The following PCDHGA1 variants were observed in gnomAD, a reference collection of about 807,000 sequenced individuals.
PCDHGA1 encodes the protein protocadherin gamma subfamily A, 1.
PCDHGA1 carries 32 observed loss-of-function variants against 58.0 expected under a neutral mutation model. The ratio of observed to expected loss-of-function variants is 0.55; its 90% CI spans 0.42 to 0.74. The LOEUF is 0.74. PCDHGA1 is among the 30% of genes least tolerant of loss of function. The pLI is 0.00. For missense variants in PCDHGA1, 1,205 were observed against 1,182.3 expected (o/e 1.02, Z -0.28); for synonymous variants, 498 against 501.1 (o/e 0.99, Z 0.08).
chr5:141,494,237 G>A (rs555725765), intron 1 of PCDHGA1, among the ~76,000 whole-genome samples: 3 of 152,312 alleles, frequency 2.0e-5, no homozygotes, highest in East Asian at 3.9e-4. Flanking sequence ...AATTAATAAT[G>A]TATTTAGCTG....
At chr5:141,403,758 T>C (rs1022850868) in intron 1 of PCDHGA1, 18 of 1,613,804 alleles carry the variant, frequency 1.1e-5, no homozygotes, top group Non-Finnish European at 1.4e-5. Flanking sequence ...GCCAGCGACC[T>C]GGATGAGGGA....
At chr5:141,390,349 T>C in intron 1 of PCDHGA1, 1 of 1,568,926 alleles carries the variant, frequency 6.4e-7, no homozygotes, top group South Asian at 1.2e-5. Flanking sequence ...CAAGAAAATA[T>C]ACATATTTGC....
At chr5:141,501,983 C>T (rs957901405) in intron 2 of PCDHGA1, among the ~76,000 whole-genome samples, 1 of 152,068 alleles carries the variant, frequency 6.6e-6, no homozygotes, top group Non-Finnish European at 1.5e-5. Context: ...CATCTGGTCC[C>T]GTTGTCTCCC....
rs144804989 is a variant in PCDHGA1 at position 141,489,791 on chromosome 5, C to T, written c.2422-5016C>T. 1.9e-6 allele frequency: 3 copies of T among 1,614,056 alleles called. No individual in the cohort carries two copies. Among genetic ancestry groups the T allele is most frequent in the Admixed American group, 1.7e-5 (1 of 60,010 alleles). Reference sequence around the variant, plus strand: ...AGCCACTTCTCTCTGAATGTGAAGACCCTAAAAGATGGGAAGCCATTCCCA... The same window carrying T: ...AGCCACTTCTCTCTGAATGTGAAGATCCTAAAAGATGGGAAGCCATTCCCA... On this transcript the variant is annotated intron_variant, in intron 1 of 3. Transcript: ENST00000517417. This position sits in a 1 kb window ranked among gnomAD's most constrained non-coding sequence, Gnocchi z 4.5.
chr5:141,428,563 G>A, intron 1 of PCDHGA1: 2 of 237,566 alleles, frequency 8.4e-6, no homozygotes, highest in East Asian at 1.1e-4. Flanking sequence ...CCCCCCACAA[G>A]ATCTTTCTAA....
At chr5:141,344,025 G>A (rs777463041) in intron 1 of PCDHGA1, 2 of 1,527,384 alleles carry the variant, frequency 1.3e-6, no homozygotes, top group Non-Finnish European at 1.8e-6. Context: ...GCGATTCACC[G>A]AAAAGGAAAT....
At chr5:141,341,016 C>T (rs1222842099) in intron 1 of PCDHGA1, 1 of 1,614,020 alleles carries the variant, frequency 6.2e-7, no homozygotes, top group East Asian at 2.2e-5. Context: ...GAGCCCTCCG[C>T]CATACCCAAC....
At chr5:141,342,937 C>G (rs2149729492) in intron 1 of PCDHGA1, 1 of 152,320 alleles carries the variant, frequency 6.6e-6, no homozygotes, top group East Asian at 1.9e-4. Flanking sequence ...TGATTTCTCT[C>G]TCACACCTAG....
chr5:141,351,560 A>G (rs1758755452), intron 1 of PCDHGA1: 1 of 1,614,036 alleles, frequency 6.2e-7, no homozygotes, highest in Non-Finnish European at 8.5e-7. Flanking sequence ...CAGGACAAGC[A>G]TCACCCTGCA....
chr5:141,488,866 G>C (rs957501628), intron 1 of PCDHGA1, among the ~76,000 whole-genome samples: 1 of 152,148 alleles, frequency 6.6e-6, no homozygotes, highest in East Asian at 1.9e-4. Context: ...GAAGTGAGTG[G>C]GGAGGTAGGA....
chr5:141,339,317 A>AT, intron 1 of PCDHGA1: 1 of 1,614,234 alleles, frequency 6.2e-7, no homozygotes, highest in Non-Finnish European at 8.5e-7. Context: ...TAAATTGACT[A>AT]TTTATTCAGT....
chr5:141,427,103 G>A (rs1216465844), intron 1 of PCDHGA1: 3 of 457,888 alleles, frequency 6.6e-6, no homozygotes, highest in Non-Finnish European at 1.3e-5. Flanking sequence ...GTGTCAATGC[G>A]GAGATCACCT....
intron 2 of PCDHGA1, among the ~76,000 whole-genome samples, chr5:141,499,796 C>T (rs2099794539): frequency 6.6e-6 from 1 of 150,412 alleles, no homozygotes; most frequent in South Asian, 2.1e-4. Context: ...AAGCAATTCT[C>T]ATGCTTCAGC....
chr5:141,441,768 T>C, intron 1 of PCDHGA1: 1 of 387,074 alleles, frequency 2.6e-6, no homozygotes. Context: ...CCTGCGCGTG[T>C]TGGTGGACGA....
intron 1 of PCDHGA1, among the ~76,000 whole-genome samples, chr5:141,368,579 A>G (rs28694549): frequency 0.14 from 21,947 of 152,060 alleles, 2,144 homozygotes; most frequent in African/African-American, 0.28. Flanking sequence ...TCTTAGGGTA[A>G]GGTGTTTGGG....
chr5:141,331,952 C>T lies in PCDHGA1; in HGVS notation c.1268C>T (p.Thr423Ile), dbSNP rs1756382552. 6 of 1,614,136 alleles carry T rather than the reference C, an allele frequency of 3.7e-6. No homozygotes were observed. The East Asian group carries it at 1.3e-4, about 36-fold the overall frequency. The change falls in exon 1 of 4, where the codon ACA becomes ATA. Residue 423 changes from threonine to isoleucine, a missense_variant. Coordinates refer to ENST00000517417, the MANE Select transcript of PCDHGA1 (RefSeq NM_018912.3). Reference protein sequence around the residue: ...ELISGYNITITAIDQGTPALS... With the variant: ...ELISGYNITIIAIDQGTPALS... Reference sequence around the variant, plus strand: ...ATCTCTGGGTACAACATCACAATAACAGCAATAGACCAAGGAACTCCAGCT... The same window carrying T: ...ATCTCTGGGTACAACATCACAATAATAGCAATAGACCAAGGAACTCCAGCT...
intron 1 of PCDHGA1, among the ~76,000 whole-genome samples, chr5:141,469,739 A>G (rs1352751978): frequency 1.3e-5 from 2 of 152,262 alleles, no homozygotes; most frequent in African/African-American, 4.8e-5. Flanking sequence ...TACACACCTC[A>G]AAAATTACAA....
chr5:141,504,209 C>T (rs1305672612), intron 2 of PCDHGA1, among the ~76,000 whole-genome samples: 1 of 152,180 alleles, frequency 6.6e-6, no homozygotes, highest in Non-Finnish European at 1.5e-5. Flanking sequence ...TGGGAAAATT[C>T]CAAGTAGAGC....
chr5:141,408,624 A>G, intron 1 of PCDHGA1: 1 of 1,614,016 alleles, frequency 6.2e-7, no homozygotes, highest in Non-Finnish European at 8.5e-7. Flanking sequence ...ATACATTTAG[A>G]AATTTTCGAA....
Sources: allele counts gnomAD v4.1 joint callset (sites outside exome capture counted in the v4.1 genomes callset), GRCh38; gene constraint gnomAD v4.1.1; non-coding constraint Gnocchi (gnomAD v3.1); transcripts MANE v1.5; gene names NCBI Gene and HGNC (gene_info 2026-07-23, HGNC 2026-07-21).